Variants in ZNF721 observed in about 807,000 individuals in gnomAD.
The protein encoded by ZNF721 is zinc finger protein 721.
ZNF721 carries 2 observed loss-of-function variants against 2.4 expected under a neutral mutation model. The observed-to-expected ratio is 0.82, with a 90% CI of 0.34 to 2.58. The LOEUF is 2.58. Ranked by LOEUF, ZNF721 falls within the 30% of genes most tolerant of loss-of-function variation. The pLI, the probability that ZNF721 is intolerant of heterozygous loss-of-function variation, is 0.11. For missense variants in ZNF721, 1,187 were observed against 1,085.5 expected (o/e 1.09, Z -1.31); for synonymous variants, 398 against 381.8 (o/e 1.04, Z -0.50).
At chr4:460,341 G>A (rs1715021648) in intron 2 of ZNF721, among the ~76,000 whole-genome samples, 2 of 152,136 alleles carry the variant, frequency 1.3e-5, no homozygotes, top group Admixed American at 6.5e-5. Context: ...TGACTACTGG[G>A]TAAATAACGA....
At chr4:455,729 A>G (rs1201416018) in intron 2 of ZNF721, among the ~76,000 whole-genome samples, 1 of 152,176 alleles carries the variant, frequency 6.6e-6, no homozygotes, top group Non-Finnish European at 1.5e-5. Context: ...AGCTGAAGAA[A>G]AAGAAAAAAA....
Position 441,978 on chromosome 4 carries a change from A to G in ZNF721, c.2489T>C (p.Ile830Thr). 1 of 1,614,050 alleles carries G rather than the reference A, an allele frequency of 6.2e-7. No individual in the cohort carries two copies. The highest frequency in any genetic ancestry group is 8.5e-7 in the Non-Finnish European group (1 of 1,179,972). The change falls in exon 3 of 3, where the codon ATT becomes ACT. Residue 830 changes from isoleucine (I) to threonine (T), a missense_variant. Transcript: ENST00000511833. ...SSTTLTKHRR[I>T]HTGEKPYTCE... ...TGTGTAGGGTTTCTCTCCAGTATGAATTCTCCTATGTTTAGTAAGGGTTGT... is the reference window on the plus strand; with the variant it reads ...TGTGTAGGGTTTCTCTCCAGTATGAGTTCTCCTATGTTTAGTAAGGGTTGT...
At chr4:481,204 G>C (rs781804699) in intron 1 of ZNF721, among the ~76,000 whole-genome samples, 4 of 152,138 alleles carry the variant, frequency 2.6e-5, no homozygotes, top group African/African-American at 7.2e-5. Context: ...TTACAGGCCA[G>C]AGCCACCACA....
intron 2 of ZNF721, among the ~76,000 whole-genome samples, chr4:467,202 G>C (rs1273208329): frequency 6.7e-6 from 1 of 148,424 alleles, no homozygotes; most frequent in South Asian, 2.1e-4. Context: ...GGGTGACAGA[G>C]CAAGACTCCA....
chr4:441,630 C>T lies in ZNF721; in HGVS notation c.*65G>A, dbSNP rs782168641. ...CATTCGTCACCTTCGTAAGACATTC[C>T]CCTGGTATGAGTTCTCTTATGTTTA... On this transcript the variant is annotated 3_prime_UTR_variant, in exon 3 of 3. Coordinates refer to ENST00000511833, the MANE Select transcript of ZNF721 (RefSeq NM_133474.4). 4.4e-6 allele frequency: 6 copies of T among 1,351,386 alleles called. No individual in the cohort carries two copies. Among genetic ancestry groups the T allele is most frequent in the Non-Finnish European group, 6.0e-6 (6 of 996,660 alleles). The allele number at this position is 1,351,386 out of a possible 1,614,324, so 83.7% of individuals were successfully genotyped here. A position where few individuals can be genotyped will look rare whatever the true frequency, so the allele number is the denominator to read the frequency against.
At chr4:472,233 T>C (rs1553867768) in intron 2 of ZNF721, among the ~76,000 whole-genome samples, 3 of 152,218 alleles carry the variant, frequency 2.0e-5, no homozygotes, top group African/African-American at 7.2e-5. Context: ...GCTAGTTTTT[T>C]GTATTTTTAG....
At chr4:463,823 G>A (rs28813691) in intron 2 of ZNF721, among the ~76,000 whole-genome samples, 49,387 of 151,842 alleles carry the variant, frequency 0.33, 8,091 homozygotes, top group Middle Eastern at 0.34. Flanking sequence ...GGGTTGATGG[G>A]TGCAGCAAAC....
intron 1 of ZNF721, among the ~76,000 whole-genome samples, chr4:491,875 C>T (rs1375386673): frequency 3.9e-5 from 6 of 152,000 alleles, no homozygotes; most frequent in African/African-American, 1.4e-4. Flanking sequence ...AAAAATTAGG[C>T]CAGATGCAGT....
chr4:470,629 G>C (rs529984823), intron 2 of ZNF721, among the ~76,000 whole-genome samples: 5 of 152,018 alleles, frequency 3.3e-5, no homozygotes. Context: ...CAGAAGAATC[G>C]CTTGAACCCA....
At chr4:471,316 A>G (rs1481057570) in intron 2 of ZNF721, among the ~76,000 whole-genome samples, 3 of 152,192 alleles carry the variant, frequency 2.0e-5, no homozygotes, top group African/African-American at 7.2e-5. Context: ...TCATTGTAGT[A>G]TTTTTACAAT....
rs1714236839 is a variant in ZNF721, at chr4:441,589, C to G, written c.*106G>C. 1.1e-6 allele frequency: 1 copy of G among 894,398 alleles called. No individual in the cohort carries two copies. Among genetic ancestry groups the G allele is most frequent in the Non-Finnish European group, 1.7e-6 (1 of 599,014 alleles). The allele number at this position is 894,398 out of a possible 1,614,324, so 55.4% of individuals were successfully genotyped here. A position where few individuals can be genotyped will look rare whatever the true frequency, so the allele number is the denominator to read the frequency against. ...CTTATGATTAGAAAGGATTGAGGAGCATTTAAAGACCGCGACATTCGTCAC... is the reference window on the plus strand; with the variant it reads ...CTTATGATTAGAAAGGATTGAGGAGGATTTAAAGACCGCGACATTCGTCAC... On this transcript the variant is annotated 3_prime_UTR_variant, in exon 3 of 3. Coordinates refer to ENST00000511833, the MANE Select transcript of ZNF721 (RefSeq NM_133474.4).
intron 2 of ZNF721, among the ~76,000 whole-genome samples, chr4:448,331 C>T (rs1553864425): frequency 6.6e-6 from 1 of 151,296 alleles, no homozygotes; most frequent in African/African-American, 2.4e-5. Context: ...AGCTACTGGA[C>T]AGGCTGAGGG....
At chr4:492,753 T>G (rs1716054804) in intron 1 of ZNF721, among the ~76,000 whole-genome samples, 1 of 150,352 alleles carries the variant, frequency 6.7e-6, no homozygotes, top group Non-Finnish European at 1.5e-5. Context: ...TACAAGATTC[T>G]TTCTCATATA....
At chr4:484,448 G>A (rs1376266234) in intron 1 of ZNF721, among the ~76,000 whole-genome samples, 1 of 152,238 alleles carries the variant, frequency 6.6e-6, no homozygotes, top group Non-Finnish European at 1.5e-5. Flanking sequence ...GGTGAGCCGG[G>A]CGGAACACAA....
In ZNF721 at chr4:442,039, T is replaced by C. The variant is rs1303630300; in HGVS notation, c.2428A>G (p.Lys810Glu). 1.9e-6 allele frequency: 3 copies of C among 1,613,966 alleles called. No homozygotes were observed. Among genetic ancestry groups the C allele is most frequent in the South Asian group, 1.1e-5 (1 of 91,080 alleles). ...KRIHTGEKPF[K>E]CLECGKAFTS... Reference sequence around the variant, plus strand: ...AACGCTTTACCACATTCTAAACATTTAAAGGGTTTCTCACCTGTATGAATC... The same window carrying C: ...AACGCTTTACCACATTCTAAACATTCAAAGGGTTTCTCACCTGTATGAATC... The change falls in exon 3 of 3, where the codon AAA becomes GAA. Residue 810 changes from lysine to glutamate, a missense_variant. Lys to Glu is a moderately conservative substitution (Grantham distance 56, BLOSUM62 1). Coordinates refer to ENST00000511833, the MANE Select transcript of ZNF721 (RefSeq NM_133474.4).
intron 2 of ZNF721, among the ~76,000 whole-genome samples, chr4:454,468 A>G (rs1553865205): frequency 6.6e-6 from 1 of 152,228 alleles, no homozygotes; most frequent in African/African-American, 2.4e-5. Flanking sequence ...AGATATGCTT[A>G]CCGCAGCCCA....
At position 442,185 on chromosome 4, in the gene ZNF721, A is replaced by G. The variant is rs369124896; in HGVS notation, c.2282T>C (p.Val761Ala). 6.2e-6 allele frequency: 10 copies of G among 1,612,110 alleles called. No homozygotes were observed. The highest frequency in any genetic ancestry group is 8.5e-6 in the Non-Finnish European group (10 of 1,178,718). ...ATTCAGGTGTGAGGACTGTTTAAAC[A>G]CTTTCCCACATTCTTTACATTTGTA... ...KLYKCKECGK[V>A]FKQSSHLNRH... is the part of the protein sequence containing the mutation. Residue 761 changes from valine (V) to alanine (A), a missense_variant, in exon 3 of 3, where the codon GTG becomes GCG. Val to Ala is a moderately conservative substitution (Grantham distance 64, BLOSUM62 0). Transcript: ENST00000511833.
chr4:464,950 T>C (rs1197194064), intron 2 of ZNF721, among the ~76,000 whole-genome samples: 2 of 151,154 alleles, frequency 1.3e-5, no homozygotes, highest in African/African-American at 2.4e-5. Flanking sequence ...CCAGGTGTGG[T>C]GGCAGGTGCC....
At position 443,103 on chromosome 4, in the gene ZNF721, A is replaced by C; in HGVS notation, c.1364T>G (p.Ile455Arg). Residue 455 changes from isoleucine to arginine, a missense_variant, in exon 3 of 3, where the codon ATA (isoleucine) becomes AGA (arginine). By Grantham distance (97) the Ile-to-Arg change is moderately conservative (BLOSUM62 -3). Transcript: ENST00000511833. ...ATGTTTATTCAGGTGCAAGGAATGT[A>C]TAAAGGCTTTCCCACATTCTTTACA... is the stretch of plus-strand genomic sequence containing the variant. The part of the protein sequence containing the change: ...YKCKECGKAF[I>R]HSLHLNKHEK... The C allele has an allele frequency of 6.2e-7, 1 of 1,613,872 alleles. No homozygotes were observed. Among genetic ancestry groups the C allele is most frequent in the Non-Finnish European group, 8.5e-7 (1 of 1,179,846 alleles).
Sources: gnomAD v4.1 joint callset for allele counts (sites outside exome capture counted in the v4.1 genomes callset) on GRCh38, gnomAD v4.1.1 for gene constraint, MANE v1.5 for transcripts, NCBI Gene and HGNC (gene_info 2026-07-23, HGNC 2026-07-21) for gene names.